The following FERMT2 variants were observed in gnomAD, a reference collection of about 807,000 sequenced individuals.
FERMT2 encodes fermitin family homolog 2.
FERMT2 carries 15 observed loss-of-function variants against 82.7 expected under a neutral mutation model. The observed-to-expected ratio is 0.18, with a 90% CI of 0.12 to 0.28. The LOEUF (loss-of-function observed/expected upper bound fraction) is 0.28, where lower values mean the gene tolerates loss of function less well. FERMT2 is among the 10% of genes least tolerant of loss of function. The pLI is 1.00. For missense variants in FERMT2, 645 were observed against 809.4 expected, an observed-to-expected ratio of 0.80 and a Z score of 2.46; for synonymous variants, 274 against 271.5, an observed-to-expected ratio of 1.01 and a Z score of -0.09.
chr14:52,888,782 T>C (rs896516258), intron 4 of FERMT2, among the ~76,000 whole-genome samples: 1 of 152,238 alleles, frequency 6.6e-6, no homozygotes, highest in African/African-American at 2.4e-5. Flanking sequence ...GCTTCTAATA[T>C]TGATATGGGA....
chr14:52,861,091 C>T, intron 12 of FERMT2: 1 of 1,435,444 alleles, frequency 7.0e-7, no homozygotes, highest in Non-Finnish European at 9.2e-7. Context: ...AAAAGGCAAT[C>T]AGAAAAAATG....
chr14:52,888,277 G>C (rs958576538), intron 4 of FERMT2, among the ~76,000 whole-genome samples: 1 of 152,158 alleles, frequency 6.6e-6, no homozygotes, highest in Non-Finnish European at 1.5e-5. Context: ...ATTCGTATTA[G>C]ATGTGACTTA....
intron 3 of FERMT2, among the ~76,000 whole-genome samples, chr14:52,900,078 A>C (rs543802002): frequency 6.6e-6 from 1 of 152,192 alleles, no homozygotes. Context: ...CAGAACCTCT[A>C]TAACAGAATA....
intron 4 of FERMT2, among the ~76,000 whole-genome samples, chr14:52,890,879 T>C (rs1886901480): frequency 3.9e-5 from 6 of 152,108 alleles, no homozygotes; most frequent in African/African-American, 1.2e-4. Flanking sequence ...GCTGGGATTA[T>C]AGGCGTAAGC....
intron 2 of FERMT2, among the ~76,000 whole-genome samples, chr14:52,948,151 T>A (rs752842032): frequency 6.6e-6 from 1 of 152,198 alleles, no homozygotes; most frequent in African/African-American, 2.4e-5. Context: ...CCACCTTTTA[T>A]CTAGACTCTG....
intron 7 of FERMT2, 58 bp from the exon 8 acceptor site, chr14:52,875,415 A>G: frequency 7.8e-7 from 1 of 1,282,748 alleles, no homozygotes; most frequent in Non-Finnish European, 1.1e-6. Flanking sequence ...TCTAAAATGA[A>G]ATTACTATCT....
intron 2 of FERMT2, among the ~76,000 whole-genome samples, chr14:52,947,166 T>C (rs1890394161): frequency 6.6e-6 from 1 of 152,184 alleles, no homozygotes; most frequent in African/African-American, 2.4e-5. Context: ...AAATGACAAA[T>C]GTGTTTTATA....
At position 52,858,326 on chromosome 14, in the gene FERMT2, T is replaced by C. The variant is rs780573598; in HGVS notation, c.*51A>G. ...TAAGCAGCATATAACAAACAGCTTT[T>C]AAAGTTAAATATTGTTATGGCCGTG... On this transcript the variant is annotated 3_prime_UTR_variant, in exon 15 of 15. Transcript: ENST00000341590. 6.6e-7 allele frequency: 1 copy of C among 1,506,856 alleles called. No homozygotes were observed. The highest frequency in any genetic ancestry group is 9.2e-7 in the Non-Finnish European group (1 of 1,089,046). The allele number at this position is 1,506,856 out of a possible 1,614,324, so 93.3% of individuals were successfully genotyped here. A position where few individuals can be genotyped will look rare whatever the true frequency, so the allele number is the denominator to read the frequency against.
At chr14:52,911,326 G>A (rs1888297287) in intron 3 of FERMT2, among the ~76,000 whole-genome samples, 1 of 151,986 alleles carries the variant, frequency 6.6e-6, no homozygotes. Flanking sequence ...AAATATAAGA[G>A]CCTAATTATA....
intron 3 of FERMT2, among the ~76,000 whole-genome samples, chr14:52,918,622 C>A (rs1888764162): frequency 6.6e-6 from 1 of 152,192 alleles, no homozygotes; most frequent in African/African-American, 2.4e-5. Flanking sequence ...TATGACATAA[C>A]TGGGTCAGCC....
intron 2 of FERMT2, among the ~76,000 whole-genome samples, chr14:52,949,204 C>T (rs1227250894): frequency 6.6e-6 from 1 of 152,088 alleles, no homozygotes; most frequent in Non-Finnish European, 1.5e-5. Context: ...AATAAAACTT[C>T]CTGCAGGGGT....
In FERMT2 at chr14:52,931,604, G is replaced by A. The variant is rs183256230; in HGVS notation, c.158-12248C>T. ...TGATTTCAGATGAGAGAGGACAGCT[G>A]GAAGGTGAAGAGGGGAAGCTAGAAA... On this transcript the variant is annotated intron_variant, in intron 2 of 14. Transcript: ENST00000341590. Among the ~76,000 whole-genome samples the A allele has an allele frequency of 3.3e-4, 51 of 152,272 alleles. 2 individuals carry two copies. Among genetic ancestry groups the A allele is most frequent in the African/African-American group, 1.2e-3 (50 of 41,568 alleles).
In FERMT2 at chr14:52,860,441, G is replaced by A. The variant is rs1323127009; in HGVS notation, c.1627C>T (p.His543Tyr). The A allele has an allele frequency of 3.1e-6, 5 of 1,612,724 alleles. No homozygotes were observed. Among genetic ancestry groups the A allele is most frequent in the Non-Finnish European group, 4.2e-6 (5 of 1,179,268 alleles). The change falls in exon 13 of 15, where the codon CAT becomes TAT. Residue 543 changes from histidine to tyrosine, a missense_variant. By Grantham distance (83) the His-to-Tyr change is moderately conservative. Coordinates refer to ENST00000341590, the MANE Select transcript of FERMT2 (RefSeq NM_006832.3). The stretch of plus-strand genomic sequence containing the variant: ...AGACTCATCTGAGCTACATTCTGAT[G>A]GGCCTCCAAGATTCTCGCTGTTATC... ...KQITARILEA[H>Y]QNVAQMSLIE...
intron 3 of FERMT2, among the ~76,000 whole-genome samples, chr14:52,896,670 A>C (rs1329034825): frequency 2.0e-5 from 3 of 152,082 alleles, no homozygotes; most frequent in Non-Finnish European, 4.4e-5. Flanking sequence ...TTTGTGTCTT[A>C]ATGTTTTTCC....
chr14:52,897,950 TGGG>T (rs1887385206), intron 3 of FERMT2, among the ~76,000 whole-genome samples: 1 of 109,726 alleles, frequency 9.1e-6, no homozygotes. Context: ...CACTCCAGCC[TGGG>T]CAAGGAGAGT....
chr14:52,899,385 C>A (rs751021454), intron 3 of FERMT2, among the ~76,000 whole-genome samples: 1 of 152,192 alleles, frequency 6.6e-6, no homozygotes, highest in African/African-American at 2.4e-5. Flanking sequence ...TGGGCTCAAG[C>A]GATTCCCCTG....
chr14:52,895,287 T>A lies in FERMT2; in HGVS notation c.392-1860A>T, dbSNP rs550834601. Among the ~76,000 whole-genome samples the A allele has an allele frequency of 1.1e-3, 170 of 152,342 alleles. 1 individual carries two copies. The highest frequency in any genetic ancestry group is 9.5e-3 in the South Asian group (46 of 4,828). On this transcript the variant is annotated intron_variant, in intron 3 of 14. Transcript: ENST00000341590. Reference sequence around the variant, plus strand: ...AGGACTATTAAATGAGACAATTTTTTGAAAACAGCTCAGCAATTCTGTATA... The same window carrying A: ...AGGACTATTAAATGAGACAATTTTTAGAAAACAGCTCAGCAATTCTGTATA...
intron 2 of FERMT2, among the ~76,000 whole-genome samples, chr14:52,944,874 G>A (rs749117969): frequency 2.0e-5 from 3 of 151,938 alleles, no homozygotes; most frequent in Non-Finnish European, 2.9e-5. Flanking sequence ...TAAAGGCCAC[G>A]TTCAGAAATA....
At chr14:52,866,831 C>T (rs964973442) in intron 10 of FERMT2, among the ~76,000 whole-genome samples, 6 of 152,154 alleles carry the variant, frequency 3.9e-5, no homozygotes, top group African/African-American at 1.4e-4. Flanking sequence ...ACTTAGCTGT[C>T]CTTGCTTCCA....
Sources: gnomAD v4.1 joint callset for allele counts (sites outside exome capture counted in the v4.1 genomes callset) on GRCh38, gnomAD v4.1.1 for gene constraint, MANE v1.5 for transcripts, NCBI Gene and HGNC (gene_info 2026-07-23, HGNC 2026-07-21) for gene names.